Variants in ST8SIA4 observed in about 807,000 individuals in gnomAD.
ST8SIA4 encodes the protein CMP-N-acetylneuraminate-poly-alpha-2,8-sialyltransferase.
A neutral mutation model predicts 33.9 loss-of-function variants in ST8SIA4; 15 were observed. The ratio of observed to expected loss-of-function variants is 0.44; its 90% CI spans 0.30 to 0.68. The LOEUF is 0.68. Ranked by LOEUF, ST8SIA4 falls within the 30% of genes least tolerant of loss-of-function variation. The probability of loss-of-function intolerance (pLI) is 0.10; values close to 1 mark genes in which losing one functional copy is unlikely to be tolerated. For synonymous variants in ST8SIA4, 171 were observed against 151.2 expected (o/e 1.13, Z -0.96); for missense variants, 321 against 428.0 (o/e 0.75, Z 2.21).
At position 100,878,987 on chromosome 5, in the gene ST8SIA4, G is replaced by A. The variant is rs114075315; in HGVS notation, c.503+7356C>T. 5.1e-3 allele frequency among the ~76,000 whole-genome samples: 783 copies of A among 152,150 alleles called. 4 individuals carry two copies. The highest frequency in any genetic ancestry group is 8.7e-3 in the Non-Finnish European group (590 of 67,996). ...GATGCCAAATCTATAATCCCGTACC[G>A]CATGAAAGACAGTAGAGCCCTAGCA... On this transcript the variant is annotated intron_variant, in intron 3 of 4. Coordinates refer to ENST00000231461, the MANE Select transcript of ST8SIA4 (RefSeq NM_005668.6).
At chr5:100,860,090 C>T (rs1751904066) in intron 3 of ST8SIA4, among the ~76,000 whole-genome samples, 1 of 152,112 alleles carries the variant, frequency 6.6e-6, no homozygotes, top group Admixed American at 6.5e-5. Flanking sequence ...CGGTGTAAAA[C>T]ATGGTGTTCT....
At chr5:100,875,331 C>T (rs755965065) in intron 3 of ST8SIA4, among the ~76,000 whole-genome samples, 5 of 152,108 alleles carry the variant, frequency 3.3e-5, no homozygotes, top group Admixed American at 1.3e-4. Flanking sequence ...AAAACTTTAA[C>T]GTGACCAATG....
chr5:100,859,843 C>T (rs1280478062), intron 3 of ST8SIA4, among the ~76,000 whole-genome samples: 2 of 152,068 alleles, frequency 1.3e-5, no homozygotes, highest in African/African-American at 4.8e-5. Context: ...AATGATACTT[C>T]AACAATGTAT....
intron 4 of ST8SIA4, among the ~76,000 whole-genome samples, chr5:100,826,205 A>T (rs1751140156): frequency 6.6e-6 from 1 of 152,128 alleles, no homozygotes; most frequent in Admixed American, 6.5e-5. Flanking sequence ...ATGATCTTCC[A>T]GTATTTCTTG....
chr5:100,865,568 A>G (rs934543239), intron 3 of ST8SIA4, among the ~76,000 whole-genome samples: 1 of 152,088 alleles, frequency 6.6e-6, no homozygotes, highest in Non-Finnish European at 1.5e-5. Context: ...GACTATCCCA[A>G]TGATATTTCA....
intron 1 of ST8SIA4, among the ~76,000 whole-genome samples, chr5:100,899,515 G>A (rs952179796): frequency 1.3e-5 from 2 of 152,046 alleles, no homozygotes; most frequent in South Asian, 2.1e-4. Flanking sequence ...AACTAATATT[G>A]TTGATTATTT....
At chr5:100,850,366 A>C (rs1436538862) in intron 4 of ST8SIA4, among the ~76,000 whole-genome samples, 1 of 152,010 alleles carries the variant, frequency 6.6e-6, no homozygotes, top group African/African-American at 2.4e-5. Flanking sequence ...ATTATATTAA[A>C]ACAAATTACT....
chr5:100,850,566 C>A (rs1268302183), intron 4 of ST8SIA4, among the ~76,000 whole-genome samples: 1 of 151,674 alleles, frequency 6.6e-6, no homozygotes, highest in Non-Finnish European at 1.5e-5. Flanking sequence ...AGAATTAAAA[C>A]GTAAATATTT....
At chr5:100,857,144 G>A (rs1048440457) in intron 3 of ST8SIA4, among the ~76,000 whole-genome samples, 1 of 152,018 alleles carries the variant, frequency 6.6e-6, no homozygotes, top group Admixed American at 6.6e-5. Context: ...TGCATATGTA[G>A]GGAAAGAACA....
rs776792041 is a variant in ST8SIA4 at position 100,856,088 on chromosome 5, T to C, written c.797+15A>G. On this transcript the variant is annotated intron_variant, in intron 4 of 4. Transcript: ENST00000231461. ...CACTGTGCCAAGGACAAACTGGTCC[T>C]TTCCAGTCACTTACCCTCTGACAGC... is the stretch of plus-strand genomic sequence containing the variant. 1.9e-6 allele frequency: 3 copies of C among 1,611,664 alleles called. No homozygotes were observed. The highest frequency in any genetic ancestry group is 1.1e-5 in the South Asian group (1 of 90,874).
intron 3 of ST8SIA4, among the ~76,000 whole-genome samples, chr5:100,872,198 C>T (rs1015313840): frequency 5.3e-5 from 8 of 151,794 alleles, no homozygotes; most frequent in African/African-American, 1.7e-4. Context: ...CTTATTCACT[C>T]TTTATTATTT....
intron 3 of ST8SIA4, among the ~76,000 whole-genome samples, chr5:100,882,490 A>G (rs1298103744): frequency 6.6e-6 from 1 of 152,258 alleles, no homozygotes; most frequent in East Asian, 1.9e-4. Context: ...GATAGAAAAT[A>G]AAAACCTATT....
chr5:100,863,527 T>C (rs1006636012), intron 3 of ST8SIA4, among the ~76,000 whole-genome samples: 9 of 152,172 alleles, frequency 5.9e-5, no homozygotes, highest in Non-Finnish European at 2.9e-5. Flanking sequence ...AATTTTAAAA[T>C]AAATATATTG....
chr5:100,852,264 GGT>G (rs1240406606), intron 4 of ST8SIA4, among the ~76,000 whole-genome samples: 7 of 151,836 alleles, frequency 4.6e-5, no homozygotes, highest in South Asian at 2.1e-4. Flanking sequence ...GGGGACTACA[GGT>G]GTGTGCCACC....
At chr5:100,846,843 T>C (rs1344979355) in intron 4 of ST8SIA4, among the ~76,000 whole-genome samples, 1 of 152,110 alleles carries the variant, frequency 6.6e-6, no homozygotes, top group Non-Finnish European at 1.5e-5. Context: ...TTCCATAGGT[T>C]CCAGTTTGAG....
At chr5:100,850,995 T>C (rs1751685750) in intron 4 of ST8SIA4, among the ~76,000 whole-genome samples, 2 of 145,198 alleles carry the variant, frequency 1.4e-5, no homozygotes, top group South Asian at 4.5e-4. Flanking sequence ...AATCTCATGC[T>C]GTTGCCCAGG....
intron 4 of ST8SIA4, among the ~76,000 whole-genome samples, chr5:100,848,234 G>C (rs1231196998): frequency 1.3e-5 from 2 of 151,600 alleles, no homozygotes; most frequent in Non-Finnish European, 3.0e-5. Context: ...AGTTGAATAA[G>C]ATTCAGTAAT....
At chr5:100,885,960 A>G (rs1752526512) in intron 3 of ST8SIA4, 1 of 817,118 alleles carries the variant, frequency 1.2e-6, no homozygotes, top group African/African-American at 1.9e-5. Flanking sequence ...AATCTATTAC[A>G]TCATTCCATA....
rs1580493626 is a variant in ST8SIA4, at chr5:100,902,807, T to C, written c.113+36A>G. On this transcript the variant is annotated intron_variant, in intron 1 of 4. Coordinates refer to ENST00000231461, the MANE Select transcript of ST8SIA4 (RefSeq NM_005668.6). ...ATTCACATTTCATTTATGGCTTGAC[T>C]TTTTGTCATATCCTGAAATGAAGCT... 5.2e-6 allele frequency: 8 copies of C among 1,548,226 alleles called. No homozygotes were observed. The East Asian group carries it at 1.8e-4, about 35-fold the overall frequency.
Sources: allele counts gnomAD v4.1 joint callset (sites outside exome capture counted in the v4.1 genomes callset), GRCh38; gene constraint gnomAD v4.1.1; transcripts MANE v1.5; gene names NCBI Gene and HGNC (gene_info 2026-07-23, HGNC 2026-07-21).